PRLHR: variants seen among roughly 807,000 people sequenced by gnomAD.
The protein encoded by PRLHR is prolactin releasing hormone receptor, also known as prolactin-releasing peptide receptor.
PRLHR carries 10 observed loss-of-function variants against 9.3 expected under a neutral mutation model. That is an observed-to-expected ratio of 1.08 (90% CI 0.66 to 1.82). The LOEUF is 1.82. PRLHR is among the 40% of genes most tolerant of loss of function. PRLHR has a pLI of 0.00. For synonymous variants in PRLHR, 261 were observed against 249.3 expected, an observed-to-expected ratio of 1.05 and a Z score of -0.44; for missense variants, 589 against 512.0, an observed-to-expected ratio of 1.15 and a Z score of -1.45.
chr10:118,595,371 A>G (rs1255370345), intron 1 of PRLHR, 121 bp from the exon 2 acceptor site: 13 of 930,540 alleles, frequency 1.4e-5, no homozygotes, highest in Non-Finnish European at 2.0e-5. Context: ...CCACAGAACA[A>G]CAGCAAAAGT....
rs1044870038 is a variant in PRLHR at position 118,591,804 on chromosome 10, C to T, written c.*2328G>A. On this transcript the variant is annotated 3_prime_UTR_variant, in exon 2 of 2. Coordinates refer to ENST00000239032, the MANE Select transcript of PRLHR (RefSeq NM_004248.3). The stretch of plus-strand genomic sequence containing the variant: ...TCTGCCTCCCTGGGTTCAAGCAATT[C>T]TCCTGCCTCAGCCTCCCGAGTAGCT... 16 of 150,866 alleles carry T rather than the reference C, an allele frequency of 1.1e-4. No individual in the cohort carries two copies. Among genetic ancestry groups the T allele is most frequent in the South Asian group, 4.2e-4 (2 of 4,758 alleles). The allele number at this position is 150,866 out of a possible 1,614,324, so 9.3% of individuals were successfully genotyped here.
In PRLHR at chr10:118,590,313, T is replaced by G. The variant is rs1437496082; in HGVS notation, c.*3819A>C. On this transcript the variant is annotated 3_prime_UTR_variant, in exon 2 of 2. Coordinates refer to ENST00000239032, the MANE Select transcript of PRLHR (RefSeq NM_004248.3). ...GACAGAGGTCGTGGGTGAGCCTACC[T>G]GAGAAAATAAACCTGGAACTTAGCT... The G allele has an allele frequency of 6.6e-6, 1 of 152,160 alleles. No individual in the cohort carries two copies. The highest frequency in any genetic ancestry group is 1.9e-4 in the East Asian group (1 of 5,196). The allele number at this position is 152,160 out of a possible 1,614,324, so 9.4% of individuals were successfully genotyped here.
Position 118,592,613 on chromosome 10 carries a change from A to G in PRLHR, c.*1519T>C, listed in dbSNP as rs1194418342. On this transcript the variant is annotated 3_prime_UTR_variant, in exon 2 of 2. Coordinates refer to ENST00000239032, the MANE Select transcript of PRLHR (RefSeq NM_004248.3). The stretch of plus-strand genomic sequence containing the variant: ...AAAGATTCCTATGCCAACCAGCCCA[A>G]CCGTGATCACTCCCACTCCCACCAT... The G allele has an allele frequency of 1.3e-5, 2 of 152,258 alleles. No individual in the cohort carries two copies. The highest frequency in any genetic ancestry group is 4.8e-5 in the African/African-American group (2 of 41,458). 9.4% of individuals were successfully genotyped at this position (152,258 alleles called of 1,614,324 possible).
In PRLHR at chr10:118,595,240, G is replaced by A. The variant is rs766946873; in HGVS notation, c.5C>T (p.Ala2Val). The A allele has an allele frequency of 1.3e-6, 2 of 1,523,058 alleles. No homozygotes were observed. Among genetic ancestry groups the A allele is most frequent in the Non-Finnish European group, 1.8e-6 (2 of 1,141,014 alleles). 94.3% of individuals were successfully genotyped at this position (1,523,058 alleles called of 1,614,324 possible). Residue 2 changes from alanine (A) to valine (V), a missense_variant, in exon 2 of 2, where the codon GCC becomes GTC. Transcript: ENST00000239032. ...CCTGGGGCCCCGAGTGGTCGATGAG[G>A]CCATGGCCACCTGTTCAAAGGTAAT... is the stretch of plus-strand genomic sequence containing the variant. MASSTTRGPRVS... is the reference protein window; with the variant it reads MVSSTTRGPRVS...
rs543311209 is a variant in PRLHR, at chr10:118,594,828, G to A, written c.417C>T (p.Phe139=). The A allele has an allele frequency of 7.6e-5, 122 of 1,613,028 alleles. No homozygotes were observed. The Admixed American group carries it at 1.9e-3, about 25-fold the overall frequency. The change falls in exon 2 of 2, where the codon TTC becomes TTT. Residue 139 remains phenylalanine, a synonymous_variant. Coordinates refer to ENST00000239032, the MANE Select transcript of PRLHR (RefSeq NM_004248.3). Reference sequence around the variant, plus strand: ...ACACATAGACGGTGACCGGCTGCAGGAAGAAGACCAGGTGGCACAGGCCGC... The same window carrying A: ...ACACATAGACGGTGACCGGCTGCAGAAAGAAGACCAGGTGGCACAGGCCGC... ...FGGGLCHLVF[F]LQPVTVYVSV...
Position 118,594,669 on chromosome 10 carries a change from C to G in PRLHR, c.576G>C (p.Leu192=), listed in dbSNP as rs762450040. Residue 192 remains leucine, a synonymous_variant, in exon 2 of 2, where the codon CTG becomes CTC. Coordinates refer to ENST00000239032, the MANE Select transcript of PRLHR (RefSeq NM_004248.3). ...CGTGATAGGTGTGCACGGCGGCGGG[C>G]AGCGCCAGCACCGCGGACAGCGCCC... ...AIWALSAVLA[L]PAAVHTYHVE... is the part of the protein sequence containing the mutation. 2.0e-5 allele frequency: 31 copies of G among 1,584,536 alleles called. No homozygotes were observed. In the South Asian group the frequency reaches 2.4e-4, roughly 12 times the overall value.
rs759069923 is a variant in PRLHR at position 118,594,632 on chromosome 10, G to A, written c.613C>T (p.Pro205Ser). ...AVHTYHVELK[P>S]HDVRLCEEFW... Reference sequence around the variant, plus strand: ...TCCTCGCAGAGGCGCACGTCGTGCGGCTTGAGCTCCACGTGATAGGTGTGC... The same window carrying A: ...TCCTCGCAGAGGCGCACGTCGTGCGACTTGAGCTCCACGTGATAGGTGTGC... The change falls in exon 2 of 2, where the codon CCG becomes TCG. Residue 205 changes from proline (P) to serine (S), a missense_variant. Pro to Ser is a moderately conservative substitution (Grantham distance 74). Transcript: ENST00000239032. 11 of 1,581,686 alleles carry A rather than the reference G, an allele frequency of 7.0e-6. No homozygotes were observed. The highest frequency in any genetic ancestry group is 4.0e-5 in the African/African-American group (3 of 74,436).
chr10:118,594,137 TGAC>T lies in PRLHR; in HGVS notation c.1105_1107del (p.Val369del). ...CAAGGCCTGGCTAAGTGGCATCAGA[TGAC>T]CACGCTGACGGTCATATTCTGGCCA... On this transcript the variant is annotated inframe_deletion, in exon 2 of 2. Transcript: ENST00000239032. 3 of 1,520,380 alleles carry T rather than the reference TGAC, an allele frequency of 2.0e-6. No individual in the cohort carries two copies. Among genetic ancestry groups the T allele is most frequent in the South Asian group, 1.3e-5 (1 of 76,888 alleles). 94.2% of individuals were successfully genotyped at this position (1,520,380 alleles called of 1,614,324 possible). A position where few individuals can be genotyped will look rare whatever the true frequency, so the allele number is the denominator to read the frequency against.
chr10:118,591,283 G>A lies in PRLHR; in HGVS notation c.*2849C>T, dbSNP rs1012415448. On this transcript the variant is annotated 3_prime_UTR_variant, in exon 2 of 2. Coordinates refer to ENST00000239032, the MANE Select transcript of PRLHR (RefSeq NM_004248.3). ...CCACCACGTCCGGCTATTTTTTGTA[G>A]AGATGGAGTTTTGCCATATTTCCCA... The A allele has an allele frequency of 3.3e-5, 5 of 152,028 alleles. No homozygotes were observed. The highest frequency in any genetic ancestry group is 2.1e-4 in the South Asian group (1 of 4,806). 9.4% of individuals were successfully genotyped at this position (152,028 alleles called of 1,614,324 possible). A position where few individuals can be genotyped will look rare whatever the true frequency, so the allele number is the denominator to read the frequency against.
chr10:118,593,880 A>T lies in PRLHR; in HGVS notation c.*252T>A. ...TTTGTCCTTCAAGGGCATAAAGAAGAAATAAGAAATCCTCTTCCCTCTCTT... is the reference window on the plus strand; with the variant it reads ...TTTGTCCTTCAAGGGCATAAAGAAGTAATAAGAAATCCTCTTCCCTCTCTT... On this transcript the variant is annotated 3_prime_UTR_variant, in exon 2 of 2. Transcript: ENST00000239032. 1 of 459,592 alleles carries T rather than the reference A, an allele frequency of 2.2e-6. No individual in the cohort carries two copies. Among genetic ancestry groups the T allele is most frequent in the Non-Finnish European group, 3.4e-6 (1 of 298,132 alleles). 28.5% of individuals were successfully genotyped at this position (459,592 alleles called of 1,614,324 possible).
rs961503812 is a variant in PRLHR at position 118,593,946 on chromosome 10, C to T, written c.*186G>A. ...AAAGAGCAAGACTCTCACCAAAGCC[C>T]GCTTAACATTTTACAAACACACAAG... is the stretch of plus-strand genomic sequence containing the variant. On this transcript the variant is annotated 3_prime_UTR_variant, in exon 2 of 2. Transcript: ENST00000239032. 2.0e-6 allele frequency: 2 copies of T among 1,010,776 alleles called. No individual in the cohort carries two copies. Among genetic ancestry groups the T allele is most frequent in the African/African-American group, 1.6e-5 (1 of 60,836 alleles). The allele number at this position is 1,010,776 out of a possible 1,614,324, so 62.6% of individuals were successfully genotyped here.
At position 118,595,246 on chromosome 10, in the gene PRLHR, G is replaced by T; in HGVS notation, c.-2C>A. 6.6e-7 allele frequency: 1 copy of T among 1,520,338 alleles called. No individual in the cohort carries two copies. The highest frequency in any genetic ancestry group is 1.8e-4 in the Middle Eastern group (1 of 5,614). The allele number at this position is 1,520,338 out of a possible 1,614,324, so 94.2% of individuals were successfully genotyped here. A position where few individuals can be genotyped will look rare whatever the true frequency, so the allele number is the denominator to read the frequency against. On this transcript the variant is annotated 5_prime_UTR_variant, in exon 2 of 2. Coordinates refer to ENST00000239032, the MANE Select transcript of PRLHR (RefSeq NM_004248.3). ...GCCCCGAGTGGTCGATGAGGCCATG[G>T]CCACCTGTTCAAAGGTAATCAAAGT...
rs1184251000 is a variant in PRLHR at position 118,592,709 on chromosome 10, AG to A, written c.*1422del. 1 of 152,172 alleles carries A rather than the reference AG, an allele frequency of 6.6e-6. No homozygotes were observed. Among genetic ancestry groups the A allele is most frequent in the Admixed American group, 6.5e-5 (1 of 15,288 alleles). 9.4% of individuals were successfully genotyped at this position (152,172 alleles called of 1,614,324 possible). On this transcript the variant is annotated 3_prime_UTR_variant, in exon 2 of 2. Transcript: ENST00000239032. ...TATCATCCCTCTTTCCTTTCCTTTTAGGGCACATTTTAATGAATGAATTGAG... is the reference window on the plus strand; with the variant it reads ...TATCATCCCTCTTTCCTTTCCTTTTAGGCACATTTTAATGAATGAATTGAG...
In PRLHR at chr10:118,594,740, G is replaced by A; in HGVS notation, c.505C>T (p.Arg169Trp). The change falls in exon 2 of 2, where the codon CGG (arginine) becomes TGG (tryptophan). Residue 169 changes from arginine (R) to tryptophan (W), a missense_variant. Physicochemically the swap from Arg to Trp is moderately radical, Grantham distance 101 (BLOSUM62 -3). Coordinates refer to ENST00000239032, the MANE Select transcript of PRLHR (RefSeq NM_004248.3). ...RYVVLVHPLR[R>W]RISLRLSAYA... ...GCGCTGAGGCGCAGCGAGATGCGCC[G>A]CCTCAGCGGGTGCACCAGCACGACG... 6.2e-7 allele frequency: 1 copy of A among 1,606,534 alleles called. No individual in the cohort carries two copies. Among genetic ancestry groups the A allele is most frequent in the Non-Finnish European group, 8.5e-7 (1 of 1,178,304 alleles).
rs776987466 is a variant in PRLHR at position 118,594,430 on chromosome 10, C to T, written c.815G>A (p.Arg272Gln). ...CAGCAAGCAGAAGGTGCGCCGGCGC[C>T]GAGCGCGGTCCCAGTCGGCCTGGCT... ...TQSQADWDRA[R>Q]RRRTFCLLVV... The change falls in exon 2 of 2, where the codon CGG (arginine) becomes CAG (glutamine). Residue 272 changes from arginine to glutamine, a missense_variant. By Grantham distance (43) the Arg-to-Gln change is conservative (BLOSUM62 1). Coordinates refer to ENST00000239032, the MANE Select transcript of PRLHR (RefSeq NM_004248.3). 2.5e-6 allele frequency: 4 copies of T among 1,600,854 alleles called. No homozygotes were observed. In the South Asian group the frequency reaches 3.3e-5, roughly 13 times the overall value.
In PRLHR at chr10:118,591,243, G is replaced by A. The variant is rs1448265241; in HGVS notation, c.*2889C>T. The stretch of plus-strand genomic sequence containing the variant: ...CTGCCTTTGTGTCCCAAGTAGCTGG[G>A]ACCACAGGTGTGCACCACCACGTCC... On this transcript the variant is annotated 3_prime_UTR_variant, in exon 2 of 2. Coordinates refer to ENST00000239032, the MANE Select transcript of PRLHR (RefSeq NM_004248.3). 4 of 152,108 alleles carry A rather than the reference G, an allele frequency of 2.6e-5. No homozygotes were observed. Among genetic ancestry groups the A allele is most frequent in the Non-Finnish European group, 5.9e-5 (4 of 68,038 alleles). 9.4% of individuals were successfully genotyped at this position (152,108 alleles called of 1,614,324 possible).
chr10:118,590,232 T>C lies in PRLHR; in HGVS notation c.*3900A>G, dbSNP rs1476107324. 6.6e-6 allele frequency: 1 copy of C among 152,208 alleles called. No individual in the cohort carries two copies. Among genetic ancestry groups the C allele is most frequent in the Non-Finnish European group, 1.5e-5 (1 of 68,050 alleles). 9.4% of individuals were successfully genotyped at this position (152,208 alleles called of 1,614,324 possible). On this transcript the variant is annotated 3_prime_UTR_variant, in exon 2 of 2. Transcript: ENST00000239032. The stretch of plus-strand genomic sequence containing the variant: ...CCAGATCTAGCCACACTCTTGAGGT[T>C]AGTTTTGTGCCTTGCATTTGAAAGA...
Position 118,592,816 on chromosome 10 carries a change from A to G in PRLHR, c.*1316T>C, listed in dbSNP as rs1844445496. On this transcript the variant is annotated 3_prime_UTR_variant, in exon 2 of 2. Transcript: ENST00000239032. Reference sequence around the variant, plus strand: ...TGAGCTGGGAAAGTAGTTGAACCCTACAGATGGTGACTGAGTTACTGGGAA... The same window carrying G: ...TGAGCTGGGAAAGTAGTTGAACCCTGCAGATGGTGACTGAGTTACTGGGAA... 6.6e-6 allele frequency: 1 copy of G among 152,204 alleles called. No homozygotes were observed. Among genetic ancestry groups the G allele is most frequent in the African/African-American group, 2.4e-5 (1 of 41,452 alleles). The allele number at this position is 152,204 out of a possible 1,614,324, so 9.4% of individuals were successfully genotyped here. A position where few individuals can be genotyped will look rare whatever the true frequency, so the allele number is the denominator to read the frequency against.
rs1211372736 is a variant in PRLHR at position 118,594,700 on chromosome 10, G to T, written c.545C>A (p.Ala182Asp). The T allele has an allele frequency of 2.5e-6, 4 of 1,593,830 alleles. No homozygotes were observed. The African/African-American group carries it at 5.4e-5, about 21-fold the overall frequency. Residue 182 changes from alanine (A) to aspartate (D), a missense_variant, in exon 2 of 2, where the codon GCC becomes GAC. Physicochemically the swap from Ala to Asp is moderately radical, Grantham distance 126 (BLOSUM62 -2). Transcript: ENST00000239032. ...SLRLSAYAVL[A>D]IWALSAVLAL... Reference sequence around the variant, plus strand: ...CAGCACCGCGGACAGCGCCCAGATGGCCAGCACAGCGTAGGCGCTGAGGCG... The same window carrying T: ...CAGCACCGCGGACAGCGCCCAGATGTCCAGCACAGCGTAGGCGCTGAGGCG...
Sources: allele counts gnomAD v4.1 joint callset, GRCh38; gene constraint gnomAD v4.1.1; transcripts MANE v1.5; gene names NCBI Gene and HGNC (gene_info 2026-07-23, HGNC 2026-07-21).